Variants in RBFOX3 observed in about 807,000 individuals in gnomAD.
RBFOX3 encodes RNA binding fox-1 homolog 3, also known as RNA binding protein fox-1 homolog 3.
In RBFOX3, 17 loss-of-function variants were observed where a neutral mutation model predicts 48.7. That is an observed-to-expected ratio of 0.35 (90% CI 0.24 to 0.52). The LOEUF (loss-of-function observed/expected upper bound fraction) is 0.52, where lower values mean the gene tolerates loss of function less well. Ranked by LOEUF, RBFOX3 falls within the 20% of genes least tolerant of loss-of-function variation. The pLI is 0.94. For missense variants in RBFOX3, 382 were observed against 497.5 expected (o/e 0.77, Z 2.21); for synonymous variants, 212 against 209.5 (o/e 1.01, Z -0.10).
intron 4 of RBFOX3, among the ~76,000 whole-genome samples, chr17:79,193,219 G>A (rs902912554): frequency 4.6e-5 from 7 of 152,198 alleles, no homozygotes; most frequent in South Asian, 2.1e-4. Flanking sequence ...GCACCGGGGA[G>A]CAGCACAATG....
At chr17:79,577,743 C>T (rs2092912093) in intron 1 of RBFOX3, among the ~76,000 whole-genome samples, 1 of 152,202 alleles carries the variant, frequency 6.6e-6, no homozygotes, top group South Asian at 2.1e-4. Context: ...CCCACCTCCT[C>T]CCTGGAAAAC....
At chr17:79,494,169 C>T (rs868930170) in intron 1 of RBFOX3, among the ~76,000 whole-genome samples, 1 of 151,952 alleles carries the variant, frequency 6.6e-6, no homozygotes, top group African/African-American at 2.4e-5. Context: ...AAGTGGCCAC[C>T]GTATTTCCTT....
intron 4 of RBFOX3, among the ~76,000 whole-genome samples, chr17:79,226,003 G>A (rs2060273593): frequency 6.6e-6 from 1 of 152,188 alleles, no homozygotes; most frequent in African/African-American, 2.4e-5. Flanking sequence ...CAGAGTAAGT[G>A]TAATTGATGA....
chr17:79,539,503 T>A lies in RBFOX3; in HGVS notation c.-319-56905A>T, dbSNP rs1555789606. Among the ~76,000 whole-genome samples, 29 of 152,198 alleles carry A rather than the reference T, an allele frequency of 1.9e-4. 1 individual carries two copies. Among genetic ancestry groups the A allele is most frequent in the Non-Finnish European group, 2.9e-5 (2 of 68,036 alleles). On this transcript the variant is annotated intron_variant, in intron 1 of 14. Transcript: ENST00000693108. ...AAGATACACATAACCTTTGCCCCAATAAGTCTACTGTTGGGGTTTTCTCCA... is the reference window on the plus strand; with the variant it reads ...AAGATACACATAACCTTTGCCCCAAAAAGTCTACTGTTGGGGTTTTCTCCA...
At chr17:79,320,731 G>A (rs1220812108) in intron 2 of RBFOX3, among the ~76,000 whole-genome samples, 2 of 150,590 alleles carry the variant, frequency 1.3e-5, no homozygotes, top group Admixed American at 6.7e-5. Context: ...CTCAACGCAG[G>A]AGCCCTGCCC....
chr17:79,433,552 T>A (rs2068843185), intron 2 of RBFOX3, among the ~76,000 whole-genome samples: 1 of 152,228 alleles, frequency 6.6e-6, no homozygotes, highest in African/African-American at 2.4e-5. Context: ...CTTGGCCTCT[T>A]GGACCTCTGT....
intron 1 of RBFOX3, among the ~76,000 whole-genome samples, chr17:79,522,418 C>G (rs1419115364): frequency 6.6e-6 from 1 of 152,158 alleles, no homozygotes; most frequent in African/African-American, 2.4e-5. Flanking sequence ...CTGCTGGCAC[C>G]AGGGCTGGAG....
chr17:79,328,873 T>C (rs2079762764), intron 2 of RBFOX3, among the ~76,000 whole-genome samples: 1 of 152,106 alleles, frequency 6.6e-6, no homozygotes, highest in South Asian at 2.1e-4. Context: ...GGATGGGGCA[T>C]CAGGAGGGAG....
Position 79,364,096 on chromosome 17 carries a change from C to T in RBFOX3, c.-174-56272G>A, listed in dbSNP as rs755760975. On this transcript the variant is annotated intron_variant, in intron 2 of 14. Transcript: ENST00000693108. The surrounding 1 kb of genome is among the most constrained non-coding windows in gnomAD (Gnocchi z 5.1). ...ACCAGCCACCCACCCCATGGATTTT[C>T]GGGACAGCACGCACCACTCTGGGAC... Among the ~76,000 whole-genome samples, 37 of 152,288 alleles carry T rather than the reference C, an allele frequency of 2.4e-4. No individual in the cohort carries two copies. The highest frequency in any genetic ancestry group is 5.0e-4 in the Non-Finnish European group (34 of 68,028).
chr17:79,510,836 C>T (rs911886771), intron 1 of RBFOX3, among the ~76,000 whole-genome samples: 19 of 152,214 alleles, frequency 1.2e-4, no homozygotes, highest in African/African-American at 4.6e-4. Flanking sequence ...GGACTCGGGG[C>T]GAGCACCTGG....
the RBFOX3 span, among the ~76,000 whole-genome samples, chr17:79,654,833 C>T: frequency 1.3e-5 from 2 of 152,200 alleles, no homozygotes; most frequent in Non-Finnish European, 2.9e-5. Flanking sequence ...TGGGTCTCAT[C>T]GCTTTATGGG....
At chr17:79,460,140 C>T (rs1219228343) in intron 2 of RBFOX3, among the ~76,000 whole-genome samples, 1 of 152,154 alleles carries the variant, frequency 6.6e-6, no homozygotes, top group Non-Finnish European at 1.5e-5. Flanking sequence ...ACAGGATCTC[C>T]TTCTGGGATG....
chr17:79,437,601 G>A (rs1320752692), intron 2 of RBFOX3, among the ~76,000 whole-genome samples: 5 of 152,196 alleles, frequency 3.3e-5, no homozygotes, highest in African/African-American at 4.8e-5. Context: ...ATAGATCCAT[G>A]TGGGGATGGG....
the RBFOX3 span, among the ~76,000 whole-genome samples, chr17:79,651,418 G>A: frequency 1.3e-5 from 2 of 152,126 alleles, no homozygotes; most frequent in South Asian, 4.1e-4. Context: ...CATGTTCTGT[G>A]GTGCCAGACT....
At chr17:79,404,429 C>T (rs752090829) in intron 2 of RBFOX3, among the ~76,000 whole-genome samples, 3 of 152,254 alleles carry the variant, frequency 2.0e-5, no homozygotes, top group Admixed American at 2.0e-4. Flanking sequence ...CACCCCAGGC[C>T]ACACGGCCCC....
chr17:79,451,764 G>A (rs1012296166), intron 2 of RBFOX3, among the ~76,000 whole-genome samples: 1 of 152,182 alleles, frequency 6.6e-6, no homozygotes, highest in Non-Finnish European at 1.5e-5. Context: ...TCTGAAAAAC[G>A]GTGACAATAA....
At chr17:79,238,060 C>T (rs59856063) in intron 3 of RBFOX3, among the ~76,000 whole-genome samples, 3,304 of 152,268 alleles carry the variant, frequency 0.022, 108 homozygotes, top group African/African-American at 0.069. Flanking sequence ...CCTCAGCCTC[C>T]GAAGTAGCTG....
intron 4 of RBFOX3, among the ~76,000 whole-genome samples, chr17:79,197,198 T>TCACATGCAGCCCTCCCTCGGGGCTGTC (rs148248274): frequency 1.9e-4 from 13 of 66,978 alleles, no homozygotes; most frequent in African/African-American, 9.7e-4. Context: ...AGAGGCATCC[T>TCACATGCAGCCCTCCCTCGGGGCTGTC]CACATGCAGC....
chr17:79,639,844 C>G, the RBFOX3 span, among the ~76,000 whole-genome samples: 1 of 152,058 alleles, frequency 6.6e-6, no homozygotes, highest in Admixed American at 6.5e-5. Context: ...TACCTCAACA[C>G]AGTAAAAGCC....
Sources: allele counts gnomAD v4.1 joint callset (sites outside exome capture counted in the v4.1 genomes callset), GRCh38; gene constraint gnomAD v4.1.1; non-coding constraint Gnocchi (gnomAD v3.1); transcripts MANE v1.5; gene names NCBI Gene and HGNC (gene_info 2026-07-23, HGNC 2026-07-21).